Variants in AGBL3 observed in about 807,000 individuals in gnomAD.
The protein encoded by AGBL3 is AGBL carboxypeptidase 3, also known as cytosolic carboxypeptidase 3.
AGBL3 carries 68 observed loss-of-function variants against 94.5 expected under a neutral mutation model. That is an observed-to-expected ratio of 0.72 (90% confidence interval 0.59 to 0.88). The LOEUF is 0.88. Ranked by LOEUF, AGBL3 falls within the 40% of genes least tolerant of loss-of-function variation. The pLI, the probability that AGBL3 is intolerant of heterozygous loss-of-function variation, is 0.00. For missense variants in AGBL3, 934 were observed against 1,103.8 expected (o/e 0.85, Z 2.18); for synonymous variants, 354 against 370.7 (o/e 0.95, Z 0.52).
At chr7:135,122,127 C>G (rs924818956) in intron 16 of AGBL3, among the ~76,000 whole-genome samples, 1 of 152,220 alleles carries the variant, frequency 6.6e-6, no homozygotes, top group African/African-American at 2.4e-5. Context: ...AACTGCCTAA[C>G]ACACTAAGCT....
At chr7:135,017,201 G>T in intron 5 of AGBL3, 42 bp downstream of exon 5, 1 of 1,362,524 alleles carries the variant, frequency 7.3e-7, no homozygotes. Context: ...ATATAATTTG[G>T]TACTTAGGTT....
At chr7:135,134,776 C>T in intron 16 of AGBL3, 65 bp from the exon 17 acceptor site, 2 of 1,359,782 alleles carry the variant, frequency 1.5e-6, no homozygotes, top group South Asian at 1.4e-5. Flanking sequence ...ACTATGACAA[C>T]ATACCTAGGA....
In AGBL3 at chr7:134,986,710, A is replaced by C. The variant is rs1445145812; in HGVS notation, c.-60+9A>C. The C allele has an allele frequency of 6.6e-6, 1 of 152,418 alleles. No homozygotes were observed. The highest frequency in any genetic ancestry group is 2.4e-5 in the African/African-American group (1 of 41,470). 9.4% of individuals were successfully genotyped at this position (152,418 alleles called of 1,614,324 possible). A position where few individuals can be genotyped will look rare whatever the true frequency, so the allele number is the denominator to read the frequency against. On this transcript the variant is annotated intron_variant, in intron 1 of 16. Coordinates refer to ENST00000436302, the MANE Select transcript of AGBL3 (RefSeq NM_178563.4). ...CCCGACAGGACGGTGAGGTATGCAG[A>C]AGTAAGGCGGGGCGCCCCCTGCGGG...
chr7:135,076,207 A>C (rs926821345), intron 12 of AGBL3, among the ~76,000 whole-genome samples, 190 bp from the exon 13 acceptor site: 12 of 152,130 alleles, frequency 7.9e-5, no homozygotes, highest in Non-Finnish European at 1.8e-4. Flanking sequence ...CTCCCTAGCT[A>C]GTCTGTCTTC....
intron 15 of AGBL3, chr7:135,093,839 C>CCTT (rs1177965654): frequency 2.0e-5 from 3 of 152,146 alleles, no homozygotes; most frequent in African/African-American, 4.8e-5. Flanking sequence ...TTCCTGATTT[C>CCTT]AAAACTGACT....
intron 5 of AGBL3, among the ~76,000 whole-genome samples, chr7:135,021,228 CTACTT>C (rs1410425741): frequency 2.6e-5 from 4 of 151,708 alleles, no homozygotes; most frequent in African/African-American, 9.7e-5. Flanking sequence ...CCATGGCAAT[CTACTT>C]TGATATTCAA....
At chr7:135,010,074 G>T in intron 4 of AGBL3, 1 of 431,462 alleles carries the variant, frequency 2.3e-6, no homozygotes, top group Non-Finnish European at 4.6e-6. Context: ...GTCTCACCAG[G>T]CTGGAGCGCA....
chr7:135,129,236 C>T (rs763146449), intron 16 of AGBL3: 5 of 1,484,966 alleles, frequency 3.4e-6, no homozygotes, highest in Non-Finnish European at 4.7e-6. Flanking sequence ...AGGAGCCTGG[C>T]TACATCATGG....
chr7:135,028,108 G>A (rs1815344359), intron 5 of AGBL3, among the ~76,000 whole-genome samples: 1 of 151,630 alleles, frequency 6.6e-6, no homozygotes, highest in Non-Finnish European at 1.5e-5. Flanking sequence ...TAAGCCTTCA[G>A]CAATTCATAT....
At chr7:135,088,787 T>C (rs2116894970) in intron 15 of AGBL3, among the ~76,000 whole-genome samples, 1 of 152,334 alleles carries the variant, frequency 6.6e-6, no homozygotes, top group South Asian at 2.1e-4. Context: ...GCTTTTCTCT[T>C]GCTGTTTGTA....
intron 15 of AGBL3, among the ~76,000 whole-genome samples, chr7:135,097,783 G>C (rs904862490): frequency 6.6e-6 from 1 of 152,172 alleles, no homozygotes; most frequent in South Asian, 2.1e-4. Flanking sequence ...ATTATATGTA[G>C]GTTGTGACAA....
At chr7:135,064,417 T>A (rs1368749583) in intron 12 of AGBL3, among the ~76,000 whole-genome samples, 1 of 152,142 alleles carries the variant, frequency 6.6e-6, no homozygotes, top group Non-Finnish European at 1.5e-5. Context: ...ATCAGAGGAA[T>A]GACATGATCT....
In AGBL3 at chr7:135,010,132, G is replaced by A. The variant is rs190912561; in HGVS notation, c.311-6920G>A. On this transcript the variant is annotated intron_variant, in intron 4 of 16. Coordinates refer to ENST00000436302, the MANE Select transcript of AGBL3 (RefSeq NM_178563.4). ...CAACCTCCACCTCCCAGGTTCAAGC[G>A]ATTCGCCTGCTTCAGCCTCCTGAGT... is the stretch of plus-strand genomic sequence containing the variant. 50 of 408,906 alleles carry A rather than the reference G, an allele frequency of 1.2e-4. No individual in the cohort carries two copies. The East Asian group carries it at 2.0e-3, about 17-fold the overall frequency. The allele number at this position is 408,906 out of a possible 1,614,324, so 25.3% of individuals were successfully genotyped here. A position where few individuals can be genotyped will look rare whatever the true frequency, so the allele number is the denominator to read the frequency against.
intron 8 of AGBL3, among the ~76,000 whole-genome samples, chr7:135,041,617 A>AAC (rs2116526506): frequency 6.6e-6 from 1 of 151,848 alleles, no homozygotes; most frequent in Admixed American, 6.6e-5. Flanking sequence ...TTTAGAAGAA[A>AAC]ATTTTTATGA....
intron 11 of AGBL3, chr7:135,051,152 T>C (rs895979354): frequency 1.1e-5 from 4 of 368,656 alleles, no homozygotes; most frequent in Non-Finnish European, 1.6e-5. Context: ...CTCCCACTTA[T>C]AGGTGAGTAC....
At chr7:135,095,871 G>T (rs1822591306) in intron 15 of AGBL3, among the ~76,000 whole-genome samples, 1 of 152,128 alleles carries the variant, frequency 6.6e-6, no homozygotes. Context: ...TCATCTTTGG[G>T]CAGGACACAG....
chr7:135,090,960 G>T (rs1317142268), intron 15 of AGBL3, among the ~76,000 whole-genome samples: 1 of 152,120 alleles, frequency 6.6e-6, no homozygotes, highest in Non-Finnish European at 1.5e-5. Flanking sequence ...CTCCTTCTCT[G>T]GGGGGAGCAC....
intron 11 of AGBL3, among the ~76,000 whole-genome samples, chr7:135,055,735 T>A (rs11761739): frequency 0.44 from 66,670 of 151,958 alleles, 15,333 homozygotes; most frequent in East Asian, 0.78. Context: ...TCTTACAGTA[T>A]CTTTGTCTGC....
At chr7:135,038,898 G>A (rs1816562864) in intron 8 of AGBL3, among the ~76,000 whole-genome samples, 1 of 151,904 alleles carries the variant, frequency 6.6e-6, no homozygotes. Flanking sequence ...GGCGGAGCTT[G>A]CAGTGAGCCG....
Sources: gnomAD v4.1 joint callset for allele counts (sites outside exome capture counted in the v4.1 genomes callset) on GRCh38, gnomAD v4.1.1 for gene constraint, MANE v1.5 for transcripts, NCBI Gene and HGNC (gene_info 2026-07-23, HGNC 2026-07-21) for gene names.